The following TIAM1 variants were observed in gnomAD, a reference collection of about 807,000 sequenced individuals.
The protein encoded by TIAM1 is rho guanine nucleotide exchange factor TIAM1.
In TIAM1, 65 loss-of-function variants were observed where a neutral mutation model predicts 163.5. That is an observed-to-expected ratio of 0.40 (90% CI 0.33 to 0.49). The LOEUF (loss-of-function observed/expected upper bound fraction) is 0.49. Ranked by LOEUF, TIAM1 falls within the 20% of genes least tolerant of loss-of-function variation. The pLI, the probability that TIAM1 is intolerant of heterozygous loss-of-function variation, is 0.77. For synonymous variants in TIAM1, 833 were observed against 810.1 expected, an observed-to-expected ratio of 1.03 and a Z score of -0.48; for missense variants, 1,789 against 2,044.7, an observed-to-expected ratio of 0.87 and a Z score of 2.41.
At chr21:31,416,435 A>T (rs186473737) in intron 2 of TIAM1, among the ~76,000 whole-genome samples, 38 of 152,190 alleles carry the variant, frequency 2.5e-4, no homozygotes, top group African/African-American at 8.2e-4. Flanking sequence ...AACAGTATAC[A>T]CTGTACCCCA....
chr21:31,330,582 G>A (rs564723918), intron 2 of TIAM1, among the ~76,000 whole-genome samples: 1 of 152,246 alleles, frequency 6.6e-6, no homozygotes, highest in Admixed American at 6.5e-5. Flanking sequence ...GGGATTACAG[G>A]CATGCGCCAC....
intron 2 of TIAM1, among the ~76,000 whole-genome samples, chr21:31,295,928 G>A (rs1353574105): frequency 6.6e-6 from 1 of 152,238 alleles, no homozygotes; most frequent in East Asian, 1.9e-4. Flanking sequence ...CTCCTGAGTA[G>A]CTAGGATTAC....
At chr21:31,550,894 T>C (rs1182577427) in intron 1 of TIAM1, among the ~76,000 whole-genome samples, 2 of 152,110 alleles carry the variant, frequency 1.3e-5, no homozygotes, top group Admixed American at 1.3e-4. Flanking sequence ...GTCAGTAATA[T>C]AAAGACTGAA....
chr21:31,198,847 A>AT (rs2086025423), intron 12 of TIAM1, among the ~76,000 whole-genome samples: 1 of 152,216 alleles, frequency 6.6e-6, no homozygotes, highest in South Asian at 2.1e-4. Context: ...ACTCAGTATC[A>AT]TAAGACAGGC....
At chr21:31,457,768 C>A (rs1043803133) in intron 2 of TIAM1, among the ~76,000 whole-genome samples, 1 of 152,206 alleles carries the variant, frequency 6.6e-6, no homozygotes, top group Non-Finnish European at 1.5e-5. Flanking sequence ...GCCAGTGGAT[C>A]TCAACCAGGG....
At chr21:31,345,039 C>T (rs1420839573), upstream of TIAM1, among the ~76,000 whole-genome samples, 1 of 152,146 alleles carries the variant, frequency 6.6e-6, no homozygotes, top group East Asian at 1.9e-4. Flanking sequence ...GGTTTCCAAA[C>T]AGAAGTTTCT....
intron 1 of TIAM1, among the ~76,000 whole-genome samples, chr21:31,343,853 C>A (rs1001975967): frequency 1.3e-5 from 2 of 152,188 alleles, no homozygotes; most frequent in African/African-American, 4.8e-5. Flanking sequence ...GGAAAGATGA[C>A]GCTTTCAAAG....
intron 2 of TIAM1, among the ~76,000 whole-genome samples, chr21:31,453,971 C>T (rs756666380): frequency 5.9e-5 from 9 of 152,174 alleles, no homozygotes; most frequent in African/African-American, 9.7e-5. Context: ...TCCCAGAATG[C>T]TCTTCCTCCA....
intron 26 of TIAM1, 100 bp from the exon 27 acceptor site, chr21:31,124,794 A>T: frequency 9.5e-7 from 1 of 1,050,652 alleles, no homozygotes; most frequent in Non-Finnish European, 1.3e-6. Flanking sequence ...CCTTAGGGCC[A>T]AAGGCTAAAG....
At chr21:31,385,328 A>T (rs1331309028) in intron 2 of TIAM1, among the ~76,000 whole-genome samples, 1 of 152,194 alleles carries the variant, frequency 6.6e-6, no homozygotes, top group African/African-American at 2.4e-5. Context: ...ATAGATTTTT[A>T]AAAAACAGAC....
At chr21:31,359,854 A>AAGGAAGGAAGGG in intron 2 of TIAM1, among the ~76,000 whole-genome samples, 1 of 92,530 alleles carries the variant, frequency 1.1e-5, no homozygotes, top group East Asian at 2.3e-4. Flanking sequence ...GGAAGGAAGG[A>AAGGAAGGAAGGG]AGGAAGGAAG....
intron 13 of TIAM1, among the ~76,000 whole-genome samples, chr21:31,190,644 A>T (rs188312401): frequency 2.8e-3 from 428 of 152,298 alleles, no homozygotes; most frequent in African/African-American, 9.4e-3. Context: ...GAAATGACGC[A>T]TCCTTCTACT....
intron 27 of TIAM1, chr21:31,123,954 C>T (rs1419176621): frequency 1.3e-5 from 2 of 152,232 alleles, no homozygotes; most frequent in Non-Finnish European, 2.9e-5. Flanking sequence ...CTCGAGGCTT[C>T]CCCAAATTAA....
chr21:31,210,585 A>AGAAAGAAG (rs758386027), intron 10 of TIAM1, among the ~76,000 whole-genome samples: 2 of 121,000 alleles, frequency 1.7e-5, no homozygotes, highest in African/African-American at 8.6e-5. Context: ...AAAGAAAGAA[A>AGAAAGAAG]GAAAGAAAGA....
chr21:31,440,551 C>T (rs928653719), intron 2 of TIAM1, among the ~76,000 whole-genome samples: 1 of 152,172 alleles, frequency 6.6e-6, no homozygotes, highest in African/African-American at 2.4e-5. Context: ...TGATTCTTAG[C>T]AGAATAGGTT....
intron 2 of TIAM1, among the ~76,000 whole-genome samples, chr21:31,387,195 C>CTTTCTTTTT (rs1358892699): frequency 1.3e-5 from 1 of 75,152 alleles, no homozygotes; most frequent in African/African-American, 5.6e-5. Flanking sequence ...AGCTTATTCT[C>CTTTCTTTTT]TTTTTTTTTT....
At chr21:31,529,081 G>C (rs2147512299) in intron 1 of TIAM1, among the ~76,000 whole-genome samples, 1 of 151,596 alleles carries the variant, frequency 6.6e-6, no homozygotes, top group East Asian at 2.0e-4. Context: ...ACCATGCCCA[G>C]CTAATTTTTT....
intron 1 of TIAM1, among the ~76,000 whole-genome samples, chr21:31,499,441 G>A (rs529859907): frequency 8.6e-5 from 13 of 151,954 alleles, no homozygotes; most frequent in Non-Finnish European, 1.3e-4. Flanking sequence ...CACGCTGCAC[G>A]GGGGCATGAG....
intron 2 of TIAM1, among the ~76,000 whole-genome samples, chr21:31,323,496 C>T (rs1003991959): frequency 2.0e-5 from 3 of 151,946 alleles, no homozygotes; most frequent in African/African-American, 7.3e-5. Flanking sequence ...ATCACTTCAG[C>T]CCTGGAGTTC....
Sources: gnomAD v4.1 joint callset for allele counts (sites outside exome capture counted in the v4.1 genomes callset) on GRCh38, gnomAD v4.1.1 for gene constraint, MANE v1.5 for transcripts, NCBI Gene and HGNC (gene_info 2026-07-23, HGNC 2026-07-21) for gene names.